The following TXNDC16 variants were observed in gnomAD, a reference collection of about 807,000 sequenced individuals.
TXNDC16 encodes thioredoxin domain-containing protein 16.
A neutral mutation model predicts 85.6 loss-of-function variants in TXNDC16; 74 were observed. That is an observed-to-expected ratio of 0.86 (90% CI 0.72 to 1.05). The LOEUF (loss-of-function observed/expected upper bound fraction) is 1.05. TXNDC16 is among the 50% of genes least tolerant of loss of function. The pLI, the probability that TXNDC16 is intolerant of heterozygous loss-of-function variation, is 0.00. For synonymous variants in TXNDC16, 335 were observed against 326.5 expected, an observed-to-expected ratio of 1.03 and a Z score of -0.28; for missense variants, 959 against 947.0, an observed-to-expected ratio of 1.01 and a Z score of -0.17.
At position 52,530,373 on chromosome 14, in the gene TXNDC16, T is replaced by A. The variant is rs1157751710; in HGVS notation, c.392+6346A>T. Among the ~76,000 whole-genome samples the A allele has an allele frequency of 8.8e-5, 3 of 34,034 alleles. 1 individual carries two copies. Among genetic ancestry groups the A allele is most frequent in the Non-Finnish European group, 1.3e-4 (3 of 22,304 alleles). 22.3% of individuals were successfully genotyped at this position (34,034 alleles called of 152,430 possible). On this transcript the variant is annotated intron_variant, in intron 6 of 20. Coordinates refer to ENST00000281741, the MANE Select transcript of TXNDC16 (RefSeq NM_020784.3). ...TTATAATATAATATATATTATTATA[T>A]AATATTATATATAATATTATAATAT...
chr14:52,528,950 A>G (rs1331193448), intron 6 of TXNDC16, among the ~76,000 whole-genome samples: 1 of 147,614 alleles, frequency 6.8e-6, no homozygotes, highest in Non-Finnish European at 1.5e-5. Context: ...TACCTATTCT[A>G]TATATTATCT....
chr14:52,475,936 GCCACCT>G (rs1236166888), intron 14 of TXNDC16, among the ~76,000 whole-genome samples: 1 of 152,106 alleles, frequency 6.6e-6, no homozygotes, highest in African/African-American at 2.4e-5. Flanking sequence ...TAGCCCTTCT[GCCACCT>G]CCACTAGAAC....
chr14:52,508,921 G>A (rs138629153), intron 9 of TXNDC16, among the ~76,000 whole-genome samples: 1,738 of 152,240 alleles, frequency 0.011, 99 homozygotes, highest in Admixed American at 0.098. Context: ...GGGGGCAGCG[G>A]GGAGGGATAG....
At chr14:52,543,319 G>A in intron 3 of TXNDC16, 79 bp downstream of exon 3, 1 of 1,456,058 alleles carries the variant, frequency 6.9e-7, no homozygotes, top group Non-Finnish European at 9.3e-7. Flanking sequence ...AATCTTAACA[G>A]AAATTTCCCA....
At chr14:52,547,621 A>G (rs1238954083) in intron 1 of TXNDC16, among the ~76,000 whole-genome samples, 1 of 152,178 alleles carries the variant, frequency 6.6e-6, no homozygotes, top group Non-Finnish European at 1.5e-5. Flanking sequence ...AGATTGCTAC[A>G]ATCTAGAGTC....
At chr14:52,525,057 G>A (rs1007782161) in intron 6 of TXNDC16, among the ~76,000 whole-genome samples, 14 of 151,796 alleles carry the variant, frequency 9.2e-5, no homozygotes, top group Non-Finnish European at 1.3e-4. Context: ...AGGAGGTGGG[G>A]GTTGCACAGG....
chr14:52,436,717 T>C (rs145018638), intron 20 of TXNDC16, among the ~76,000 whole-genome samples: 1 of 152,288 alleles, frequency 6.6e-6, no homozygotes. Flanking sequence ...TTAAAGTAGC[T>C]GATGAAATAC....
intron 2 of TXNDC16, 74 bp from the exon 3 acceptor site, chr14:52,543,704 A>T: frequency 1.1e-6 from 1 of 889,864 alleles, no homozygotes; most frequent in Non-Finnish European, 1.7e-6. Context: ...TAAAATCTAC[A>T]AAAAGAAAGT....
intron 8 of TXNDC16, 85 bp from the exon 9 acceptor site, chr14:52,511,475 T>G: frequency 3.6e-6 from 3 of 844,734 alleles, no homozygotes; most frequent in Non-Finnish European, 5.1e-6. Context: ...GAATTTTGTC[T>G]TAAGTCTCAT....
Position 52,431,440 on chromosome 14 carries a change from A to C in TXNDC16, c.*864T>G, listed in dbSNP as rs2034892410. On this transcript the variant is annotated 3_prime_UTR_variant, in exon 21 of 21. Transcript: ENST00000281741. ...TTTCTGAAAATATTAGAAAAGATCAAGTTGTATCCAGGTAATAATCAGGAT... is the reference window on the plus strand; with the variant it reads ...TTTCTGAAAATATTAGAAAAGATCACGTTGTATCCAGGTAATAATCAGGAT... 6.6e-6 allele frequency: 1 copy of C among 152,246 alleles called. No homozygotes were observed. Among genetic ancestry groups the C allele is most frequent in the South Asian group, 2.1e-4 (1 of 4,836 alleles). The allele number at this position is 152,246 out of a possible 1,614,324, so 9.4% of individuals were successfully genotyped here. A position where few individuals can be genotyped will look rare whatever the true frequency, so the allele number is the denominator to read the frequency against.
chr14:52,503,325 G>A (rs2036708361), intron 9 of TXNDC16, among the ~76,000 whole-genome samples: 1 of 152,346 alleles, frequency 6.6e-6, no homozygotes, highest in South Asian at 2.1e-4. Context: ...GTACCCCCCA[G>A]TAGGGGCAGA....
At position 52,527,017 on chromosome 14, in the gene TXNDC16, C is replaced by T. The variant is rs376552174; in HGVS notation, c.393-7724G>A. Among the ~76,000 whole-genome samples the T allele has an allele frequency of 3.4e-4, 52 of 152,340 alleles. 1 individual carries two copies. In the East Asian group the frequency reaches 6.8e-3, roughly 20 times the overall value. On this transcript the variant is annotated intron_variant, in intron 6 of 20. Coordinates refer to ENST00000281741, the MANE Select transcript of TXNDC16 (RefSeq NM_020784.3). Reference sequence around the variant, plus strand: ...CAGGGGAGGGCATGGAAGCTCCACGCCCCTTTCCATGTGCCCTGCCCCATG... The same window carrying T: ...CAGGGGAGGGCATGGAAGCTCCACGTCCCTTTCCATGTGCCCTGCCCCATG...
At chr14:52,522,504 G>A (rs2037232781) in intron 6 of TXNDC16, among the ~76,000 whole-genome samples, 1 of 152,186 alleles carries the variant, frequency 6.6e-6, no homozygotes, top group African/African-American at 2.4e-5. Flanking sequence ...TGAAGCAGGG[G>A]CAGGCGATAC....
intron 9 of TXNDC16, among the ~76,000 whole-genome samples, chr14:52,496,889 G>A (rs1421366416): frequency 6.6e-6 from 1 of 152,188 alleles, no homozygotes; most frequent in East Asian, 1.9e-4. Flanking sequence ...GGGATTATAG[G>A]CGGGAACCAC....
At chr14:52,491,319 C>T (rs919290463) in intron 9 of TXNDC16, among the ~76,000 whole-genome samples, 1 of 150,550 alleles carries the variant, frequency 6.6e-6, no homozygotes, top group African/African-American at 2.4e-5. Context: ...GTAGCTGAGA[C>T]CACAGGTGCA....
chr14:52,452,552 C>T (rs1214660498), intron 18 of TXNDC16, among the ~76,000 whole-genome samples: 4 of 152,074 alleles, frequency 2.6e-5, no homozygotes, highest in South Asian at 4.1e-4. Flanking sequence ...AATTCGTTTT[C>T]GACAAAGGTT....
chr14:52,508,626 C>A (rs1001746728), intron 9 of TXNDC16, among the ~76,000 whole-genome samples: 1 of 152,148 alleles, frequency 6.6e-6, no homozygotes. Flanking sequence ...CGTATGTTTA[C>A]TGCGGCACTA....
At chr14:52,528,895 C>G (rs1019764744) in intron 6 of TXNDC16, among the ~76,000 whole-genome samples, 1 of 145,276 alleles carries the variant, frequency 6.9e-6, no homozygotes, top group Non-Finnish European at 1.5e-5. Flanking sequence ...TCTATAATAC[C>G]TATTATATAT....
At chr14:52,492,667 TG>T (rs1252989050) in intron 9 of TXNDC16, among the ~76,000 whole-genome samples, 1 of 151,928 alleles carries the variant, frequency 6.6e-6, no homozygotes, top group Non-Finnish European at 1.5e-5. Context: ...GGCAGGGAGG[TG>T]GGGTGTCATG....
Sources: allele counts gnomAD v4.1 joint callset (sites outside exome capture counted in the v4.1 genomes callset), GRCh38; gene constraint gnomAD v4.1.1; transcripts MANE v1.5; gene names NCBI Gene and HGNC (gene_info 2026-07-23, HGNC 2026-07-21).